The following GABRB3 variants were observed in gnomAD, a reference collection of about 807,000 sequenced individuals.
GABRB3 encodes gamma-aminobutyric acid type A receptor subunit beta3.
A neutral mutation model predicts 52.1 loss-of-function variants in GABRB3; 14 were observed. The ratio of observed to expected loss-of-function variants is 0.27; its 90% CI spans 0.18 to 0.42. GABRB3 has a LOEUF of 0.42. Ranked by LOEUF, GABRB3 falls within the 10% of genes least tolerant of loss-of-function variation. GABRB3 has a pLI of 1.00. For missense variants in GABRB3, 307 were observed against 609.1 expected, an observed-to-expected ratio of 0.50 and a Z score of 5.22; for synonymous variants, 260 against 232.3, an observed-to-expected ratio of 1.12 and a Z score of -1.08.
intron 3 of GABRB3, among the ~76,000 whole-genome samples, chr15:26,627,903 A>C (rs1160394841): frequency 6.6e-6 from 1 of 152,226 alleles, no homozygotes; most frequent in East Asian, 1.9e-4. Context: ...ACAGCATCCA[A>C]TGCTACAGAG....
chr15:26,578,071 A>T (rs968639225), intron 6 of GABRB3, among the ~76,000 whole-genome samples: 2 of 152,188 alleles, frequency 1.3e-5, no homozygotes, highest in Non-Finnish European at 2.9e-5. Context: ...ACAGGTGTGA[A>T]CCACTGTGCC....
chr15:26,680,240 GATTTCAGA>G (rs1888196169), intron 3 of GABRB3, among the ~76,000 whole-genome samples: 1 of 152,218 alleles, frequency 6.6e-6, no homozygotes, highest in Non-Finnish European at 1.5e-5. Flanking sequence ...CTGCACAGCA[GATTTCAGA>G]ATTGCCAGGC....
chr15:26,602,375 A>G (rs771546802), intron 4 of GABRB3, among the ~76,000 whole-genome samples: 14 of 152,176 alleles, frequency 9.2e-5, no homozygotes, highest in Non-Finnish European at 1.8e-4. Context: ...CAACAAAGAA[A>G]CATAAGACTT....
chr15:26,750,310 T>C lies in GABRB3; in HGVS notation c.240+22092A>G, dbSNP rs73372142. ...TATCCATTCAACCCAAGCCCTCAATTAGCAGTAGTGGAATACTAAGGCTTA... is the reference window on the plus strand; with the variant it reads ...TATCCATTCAACCCAAGCCCTCAATCAGCAGTAGTGGAATACTAAGGCTTA... On this transcript the variant is annotated intron_variant, in intron 3 of 8. Transcript: ENST00000311550. Among the ~76,000 whole-genome samples the C allele has an allele frequency of 8.4e-3, 1,286 of 152,260 alleles. 13 individuals carry two copies. The highest frequency in any genetic ancestry group is 0.03 in the African/African-American group (1,252 of 41,546).
At chr15:26,741,042 ATAAGTGTGTGTGTGTGTGTGTGTGTG>A (rs1890193108) in intron 3 of GABRB3, among the ~76,000 whole-genome samples, 1 of 138,258 alleles carries the variant, frequency 7.2e-6, no homozygotes, top group Non-Finnish European at 1.5e-5. Context: ...CGAGGGAGGA[ATAAGTGTGTGTGTGTGTGTGTGTGTG>A]TGTGTGTGTG....
At chr15:26,637,048 G>A (rs1223594148) in intron 3 of GABRB3, among the ~76,000 whole-genome samples, 2 of 152,154 alleles carry the variant, frequency 1.3e-5, no homozygotes, top group African/African-American at 4.8e-5. Flanking sequence ...TTGCTCTCCT[G>A]TTCAAAACCC....
chr15:26,592,820 C>G (rs759330986), intron 4 of GABRB3, among the ~76,000 whole-genome samples: 1 of 152,138 alleles, frequency 6.6e-6, no homozygotes, highest in Non-Finnish European at 1.5e-5. Flanking sequence ...TGAGACCATC[C>G]TGGCTAACAT....
At chr15:26,697,962 C>G (rs1383089571) in intron 3 of GABRB3, among the ~76,000 whole-genome samples, 1 of 152,174 alleles carries the variant, frequency 6.6e-6, no homozygotes, top group African/African-American at 2.4e-5. Context: ...TAATTTAGAA[C>G]TCATCTGGCA....
chr15:26,654,373 C>T (rs1395974780), intron 3 of GABRB3, among the ~76,000 whole-genome samples: 1 of 152,184 alleles, frequency 6.6e-6, no homozygotes, highest in Admixed American at 6.5e-5. Context: ...GTCTCTATCT[C>T]CTGACCTTGT....
chr15:26,605,759 TG>T (rs1326000667), intron 4 of GABRB3, among the ~76,000 whole-genome samples: 1 of 152,110 alleles, frequency 6.6e-6, no homozygotes, highest in Non-Finnish European at 1.5e-5. Context: ...ACTAGAAGGA[TG>T]GTAAGTGTAG....
chr15:26,724,676 C>T (rs1889725380), intron 3 of GABRB3, among the ~76,000 whole-genome samples: 1 of 152,132 alleles, frequency 6.6e-6, no homozygotes, highest in Non-Finnish European at 1.5e-5. Flanking sequence ...ATGATAACAC[C>T]ACAGATTGTT....
At chr15:26,659,131 C>T (rs916156354) in intron 3 of GABRB3, among the ~76,000 whole-genome samples, 8 of 152,222 alleles carry the variant, frequency 5.3e-5, no homozygotes, top group Non-Finnish European at 1.0e-4. Flanking sequence ...TTGTTGGAGG[C>T]AGCCATGGAA....
At chr15:26,605,435 C>T (rs1011410393) in intron 4 of GABRB3, among the ~76,000 whole-genome samples, 8 of 152,112 alleles carry the variant, frequency 5.3e-5, no homozygotes, top group African/African-American at 1.9e-4. Context: ...GGTGAAAAAT[C>T]AGTATATTGA....
At chr15:26,674,629 A>T (rs1888012039) in intron 3 of GABRB3, among the ~76,000 whole-genome samples, 1 of 152,160 alleles carries the variant, frequency 6.6e-6, no homozygotes, top group African/African-American at 2.4e-5. Context: ...GGAGACTGAT[A>T]AGATCTATGA....
At chr15:26,635,312 T>C (rs968349088) in intron 3 of GABRB3, among the ~76,000 whole-genome samples, 2 of 151,914 alleles carry the variant, frequency 1.3e-5, no homozygotes, top group African/African-American at 4.8e-5. Flanking sequence ...GAGACGTGTA[T>C]CAGGCTGGAT....
chr15:26,714,727 T>G (rs1889412888), intron 3 of GABRB3, among the ~76,000 whole-genome samples: 1 of 152,216 alleles, frequency 6.6e-6, no homozygotes, highest in Admixed American at 6.5e-5. Flanking sequence ...TCCCTTTAGC[T>G]TAGTGATTTA....
chr15:26,673,340 T>A (rs188304696), intron 3 of GABRB3, among the ~76,000 whole-genome samples: 1 of 152,162 alleles, frequency 6.6e-6, no homozygotes, highest in African/African-American at 2.4e-5. Flanking sequence ...CATAGATGAG[T>A]GAATAGCTGA....
intron 3 of GABRB3, among the ~76,000 whole-genome samples, chr15:26,648,432 G>T (rs12442543): frequency 0.1 from 15,313 of 152,248 alleles, 876 homozygotes; most frequent in Admixed American, 0.19. Context: ...GCATGTGGAA[G>T]AGAAGCTCTA....
chr15:26,713,650 C>G (rs2140133210), intron 3 of GABRB3, among the ~76,000 whole-genome samples: 1 of 152,302 alleles, frequency 6.6e-6, no homozygotes, highest in African/African-American at 2.4e-5. Context: ...AATGCTGGCA[C>G]AGGAAGGAGT....
Sources: allele counts gnomAD v4.1 joint callset (sites outside exome capture counted in the v4.1 genomes callset), GRCh38; gene constraint gnomAD v4.1.1; transcripts MANE v1.5; gene names NCBI Gene and HGNC (gene_info 2026-07-23, HGNC 2026-07-21).